Variants in NXPE2 observed in about 807,000 individuals in gnomAD.
NXPE2 encodes the protein NXPE family member 2.
In NXPE2, 34 loss-of-function variants were observed where a neutral mutation model predicts 34.4. The ratio of observed to expected loss-of-function variants is 0.99; its 90% CI spans 0.75 to 1.31. NXPE2 has a LOEUF of 1.31. Among genes scored for constraint, NXPE2 ranks in the 40% most tolerant of loss-of-function variants. The probability of loss-of-function intolerance (pLI) is 0.00; values close to 1 mark genes in which losing one functional copy is unlikely to be tolerated. For synonymous variants in NXPE2, 235 were observed against 231.3 expected (o/e 1.02, Z -0.15); for missense variants, 649 against 672.5 (o/e 0.97, Z 0.39).
chr11:114,485,202 A>G, the NXPE2 span, among the ~76,000 whole-genome samples: 2 of 151,664 alleles, frequency 1.3e-5, no homozygotes, highest in African/African-American at 4.8e-5. Flanking sequence ...ATTCAATTAT[A>G]TATTTCTAGT....
At chr11:114,626,422 A>T in the NXPE2 span, among the ~76,000 whole-genome samples, 1 of 151,930 alleles carries the variant, frequency 6.6e-6, no homozygotes, top group African/African-American at 2.4e-5. Context: ...GCAGACTGAC[A>T]CCTCACGTGG....
the NXPE2 span, among the ~76,000 whole-genome samples, chr11:114,610,931 G>A: frequency 2.7e-5 from 4 of 150,874 alleles, no homozygotes; most frequent in South Asian, 2.1e-4. Context: ...GTATTGCCTC[G>A]TGGGTAACCA....
the NXPE2 span, among the ~76,000 whole-genome samples, chr11:114,597,247 A>G: frequency 2.0e-5 from 3 of 152,172 alleles, no homozygotes; most frequent in Admixed American, 6.5e-5. Flanking sequence ...TGATTAGCCC[A>G]ATAGAAGGAA....
At chr11:114,695,693 G>C (rs1458663386) in intron 2 of NXPE2, among the ~76,000 whole-genome samples, 3 of 152,072 alleles carry the variant, frequency 2.0e-5, no homozygotes, top group Non-Finnish European at 4.4e-5. Context: ...CTGTCAGAAT[G>C]TATAAAAAGA....
chr11:114,661,580 T>C, the NXPE2 span, among the ~76,000 whole-genome samples: 1 of 152,212 alleles, frequency 6.6e-6, no homozygotes, highest in African/African-American at 2.4e-5. Flanking sequence ...AGTACAAGCA[T>C]TGTAGAACAT....
the NXPE2 span, among the ~76,000 whole-genome samples, chr11:114,662,927 G>A: frequency 6.6e-6 from 1 of 152,132 alleles, no homozygotes; most frequent in African/African-American, 2.4e-5. Context: ...GGCCTTGGGT[G>A]AGCCTATGAG....
chr11:114,720,626 C>CA, the NXPE2 span, among the ~76,000 whole-genome samples: 79,586 of 151,720 alleles, frequency 0.52, 21,602 homozygotes, highest in East Asian at 0.79. Flanking sequence ...GATTTCAAAG[C>CA]AAAAAAACAC....
chr11:114,638,000 A>T, the NXPE2 span, among the ~76,000 whole-genome samples: 18 of 151,328 alleles, frequency 1.2e-4, no homozygotes, highest in African/African-American at 3.4e-4. Flanking sequence ...CCTGAATCTG[A>T]ACGTTGGCCT....
the NXPE2 span, chr11:114,583,638 T>C: frequency 1.7e-6 from 1 of 590,338 alleles, no homozygotes; most frequent in Non-Finnish European, 3.4e-6. Flanking sequence ...GAGCAGCAGA[T>C]GGACACTGCT....
the NXPE2 span, among the ~76,000 whole-genome samples, chr11:114,611,276 C>A: frequency 6.6e-6 from 1 of 151,426 alleles, no homozygotes; most frequent in East Asian, 2.0e-4. Context: ...CACTGTTACC[C>A]TGTCGATAAT....
At chr11:114,562,781 C>T in the NXPE2 span, among the ~76,000 whole-genome samples, 1 of 152,140 alleles carries the variant, frequency 6.6e-6, no homozygotes, top group Non-Finnish European at 1.5e-5. Flanking sequence ...TCAGATAAGG[C>T]TCGATCTGTG....
the NXPE2 span, among the ~76,000 whole-genome samples, chr11:114,796,992 A>G: frequency 6.6e-6 from 1 of 152,228 alleles, no homozygotes; most frequent in African/African-American, 2.4e-5. Context: ...GAAGCACAGA[A>G]AGCTGGAGAT....
chr11:114,783,316 T>A, the NXPE2 span, among the ~76,000 whole-genome samples: 1 of 152,236 alleles, frequency 6.6e-6, no homozygotes, highest in Admixed American at 6.5e-5. Flanking sequence ...TTCTACCATC[T>A]GCTTCTCTAC....
At chr11:114,720,164 C>T in the NXPE2 span, among the ~76,000 whole-genome samples, 2 of 152,092 alleles carry the variant, frequency 1.3e-5, no homozygotes, top group African/African-American at 4.8e-5. Context: ...TTAAGAACCC[C>T]TTCAGGAAAA....
chr11:114,502,352 A>G, the NXPE2 span, among the ~76,000 whole-genome samples: 2 of 152,084 alleles, frequency 1.3e-5, no homozygotes, highest in African/African-American at 4.8e-5. Context: ...TTCTCATTAT[A>G]TACTTCATGT....
chr11:114,711,875 T>A (rs1353930219), downstream of NXPE2, among the ~76,000 whole-genome samples: 2 of 152,106 alleles, frequency 1.3e-5, no homozygotes, highest in Admixed American at 6.5e-5. Flanking sequence ...ATAATTAAGA[T>A]GGTGTGGTAC....
At chr11:114,692,046 C>T (rs1951162805) in intron 2 of NXPE2, among the ~76,000 whole-genome samples, 1 of 152,192 alleles carries the variant, frequency 6.6e-6, no homozygotes, top group African/African-American at 2.4e-5. Flanking sequence ...AATTCCAGTG[C>T]CTACTGCTGG....
At chr11:114,609,038 G>T in the NXPE2 span, among the ~76,000 whole-genome samples, 2 of 150,946 alleles carry the variant, frequency 1.3e-5, no homozygotes, top group Non-Finnish European at 3.0e-5. Context: ...ACTCTTACCT[G>T]GTGGATACTA....
chr11:114,514,476 A>G, the NXPE2 span, among the ~76,000 whole-genome samples: 128 of 152,196 alleles, frequency 8.4e-4, no homozygotes, highest in African/African-American at 2.9e-3. Flanking sequence ...TGCAGCCTCC[A>G]TCTCCTGGGC....
Sources: allele counts gnomAD v4.1 joint callset (sites outside exome capture counted in the v4.1 genomes callset), GRCh38; gene constraint gnomAD v4.1.1; transcripts MANE v1.5; gene names NCBI Gene and HGNC (gene_info 2026-07-23, HGNC 2026-07-21).